Variants in SAMMSON observed in about 807,000 individuals in gnomAD.
SAMMSON encodes survival associated mitochondrial melanoma specific oncogenic non-coding RNA.
intron 6 of SAMMSON, among the ~76,000 whole-genome samples, chr3:70,287,914 T>G (rs201141641): frequency 1.7e-4 from 26 of 149,502 alleles, no homozygotes; most frequent in South Asian, 2.1e-4. Context: ...ATCCCCTTTA[T>G]CATTTTTTAT....
At chr3:70,055,474 A>G (rs1376651280) in intron 3 of SAMMSON, among the ~76,000 whole-genome samples, 2 of 152,122 alleles carry the variant, frequency 1.3e-5, no homozygotes, top group Non-Finnish European at 2.9e-5. Flanking sequence ...TTATTTCACA[A>G]TTCGTGAACT....
At chr3:70,006,931 AATG>A (rs1172855008) in intron 1 of SAMMSON, among the ~76,000 whole-genome samples, 1 of 151,518 alleles carries the variant, frequency 6.6e-6, no homozygotes, top group Non-Finnish European at 1.5e-5. Context: ...GCTTGCTGAG[AATG>A]ATGGTTTCCA....
intron 3 of SAMMSON, among the ~76,000 whole-genome samples, chr3:70,038,839 A>G (rs2067095936): frequency 1.3e-5 from 2 of 152,158 alleles, no homozygotes; most frequent in African/African-American, 2.4e-5. Context: ...AGCATAATTC[A>G]TAATAGGAGA....
intron 4 of SAMMSON, among the ~76,000 whole-genome samples, chr3:70,086,875 A>G (rs919516086): frequency 4.6e-5 from 7 of 152,312 alleles, no homozygotes; most frequent in African/African-American, 1.4e-4. Flanking sequence ...TTTAATCCCC[A>G]TGACAATCCC....
chr3:70,107,199 G>T (rs2067370116), intron 4 of SAMMSON, among the ~76,000 whole-genome samples: 1 of 152,176 alleles, frequency 6.6e-6, no homozygotes, highest in Non-Finnish European at 1.5e-5. Flanking sequence ...AAGAAACGGA[G>T]GGAAAGCTCA....
chr3:70,314,525 A>G (rs1209947008), intron 7 of SAMMSON, among the ~76,000 whole-genome samples: 1 of 152,160 alleles, frequency 6.6e-6, no homozygotes, highest in Admixed American at 6.5e-5. Flanking sequence ...AACAATAATC[A>G]CAGTGATCTT....
chr3:70,379,401 C>A (rs1209399165), intron 9 of SAMMSON, among the ~76,000 whole-genome samples: 1 of 152,128 alleles, frequency 6.6e-6, no homozygotes, highest in Non-Finnish European at 1.5e-5. Context: ...GTTTAGTGTG[C>A]AGAATGTTGA....
chr3:70,180,431 G>T (rs146489776), intron 4 of SAMMSON, among the ~76,000 whole-genome samples: 2 of 151,872 alleles, frequency 1.3e-5, no homozygotes, highest in Non-Finnish European at 1.5e-5. Context: ...TATATTACAC[G>T]TATGTTGCAT....
chr3:70,010,994 A>C (rs747131348), intron 1 of SAMMSON, among the ~76,000 whole-genome samples: 1 of 152,100 alleles, frequency 6.6e-6, no homozygotes, highest in Non-Finnish European at 1.5e-5. Context: ...CCTGGTTCCA[A>C]CCTTGACTCA....
In SAMMSON at chr3:70,183,594, T is replaced by C. The variant is rs567966915; in HGVS notation, n.508-65513T>C. On this transcript the variant is annotated intron_variant and non_coding_transcript_variant, in intron 4 of 9. Coordinates refer to ENST00000642114, the Ensembl canonical transcript of SAMMSON. ...AACTAATTATTTAATTTGGAAGTTA[T>C]AGGTTTTTTATTACTTGAGGAGCAG... The C allele has an allele frequency of 3.3e-5, 5 of 152,354 alleles. No homozygotes were observed. The South Asian group carries it at 8.3e-4, about 25-fold the overall frequency. 9.4% of individuals were successfully genotyped at this position (152,354 alleles called of 1,614,324 possible).
chr3:70,113,959 G>C (rs983199146), intron 4 of SAMMSON, among the ~76,000 whole-genome samples: 8 of 152,130 alleles, frequency 5.3e-5, no homozygotes, highest in Admixed American at 5.2e-4. Flanking sequence ...CTTGATCTTG[G>C]ACTTCCAGCC....
rs1701349000 is a variant in SAMMSON at position 70,211,548 on chromosome 3, TTCCCTTCCCTTTGCCCTTCCCTTCCC to T, written n.508-37557_508-37532del. Among the ~76,000 whole-genome samples the T allele has an allele frequency of 2.9e-5, 2 of 68,524 alleles. 1 individual carries two copies. Among genetic ancestry groups the T allele is most frequent in the Non-Finnish European group, 6.3e-5 (2 of 31,686 alleles). The allele number at this position is 68,524 out of a possible 152,430, so 45.0% of individuals were successfully genotyped here. A position where few individuals can be genotyped will look rare whatever the true frequency, so the allele number is the denominator to read the frequency against. On this transcript the variant is annotated intron_variant and non_coding_transcript_variant, in intron 4 of 9. Coordinates refer to ENST00000642114, the Ensembl canonical transcript of SAMMSON. ...CCCTTCCCTTTGCCCTTCCCTTCCC[TTCCCTTCCCTTTGCCCTTCCCTTCCC>T]TTCCCTTCCTTTCCCTTCCCTTCCC...
At chr3:70,292,217 A>G (rs1461025009) in intron 7 of SAMMSON, among the ~76,000 whole-genome samples, 1 of 152,204 alleles carries the variant, frequency 6.6e-6, no homozygotes, top group Non-Finnish European at 1.5e-5. Flanking sequence ...ATAATACCAC[A>G]TAGAGTTGTT....
At chr3:70,084,305 G>A (rs532144124) in intron 4 of SAMMSON, among the ~76,000 whole-genome samples, 6 of 152,168 alleles carry the variant, frequency 3.9e-5, no homozygotes, top group Non-Finnish European at 8.8e-5. Context: ...TAAGGGTAAA[G>A]TGGCGAACAA....
chr3:70,199,925 C>A (rs946677818), intron 4 of SAMMSON, among the ~76,000 whole-genome samples: 1 of 152,180 alleles, frequency 6.6e-6, no homozygotes, highest in Admixed American at 6.5e-5. Context: ...CAAGGCCAAA[C>A]TGCATTTTGG....
chr3:70,362,096 G>T (rs147986380), intron 9 of SAMMSON, among the ~76,000 whole-genome samples: 105 of 152,204 alleles, frequency 6.9e-4, no homozygotes, highest in African/African-American at 2.5e-3. Flanking sequence ...TGCCTGTAAA[G>T]TGTGGTAGAA....
chr3:70,201,271 C>A (rs1370161105), intron 4 of SAMMSON, among the ~76,000 whole-genome samples: 2 of 152,104 alleles, frequency 1.3e-5, no homozygotes, highest in Non-Finnish European at 2.9e-5. Flanking sequence ...TCATTTAGCT[C>A]CCACTTATGG....
At chr3:70,102,514 ATCTCT>A (rs1423121663) in intron 4 of SAMMSON, among the ~76,000 whole-genome samples, 1 of 152,212 alleles carries the variant, frequency 6.6e-6, no homozygotes, top group Non-Finnish European at 1.5e-5. Flanking sequence ...TTGGAGGAGC[ATCTCT>A]AGTCTCCAGT....
At chr3:70,342,943 G>A (rs1010387193) in intron 7 of SAMMSON, among the ~76,000 whole-genome samples, 1 of 152,184 alleles carries the variant, frequency 6.6e-6, no homozygotes, top group Admixed American at 6.6e-5. Context: ...AACATGAGTA[G>A]TAGGTACTAA....
Sources: gnomAD v4.1 joint callset for allele counts (sites outside exome capture counted in the v4.1 genomes callset) on GRCh38, gnomAD v4.1.1 for gene constraint, MANE v1.5 for transcripts, NCBI Gene and HGNC (gene_info 2026-07-23, HGNC 2026-07-21) for gene names.